NAV3: variants seen among roughly 807,000 people sequenced by gnomAD.
NAV3 encodes neuron navigator 3.
NAV3 carries 87 observed loss-of-function variants against 244.7 expected under a neutral mutation model. The ratio of observed to expected loss-of-function variants is 0.36; its 90% CI spans 0.30 to 0.42. NAV3 has a LOEUF of 0.42. NAV3 is among the 20% of genes least tolerant of loss of function. The pLI is 1.00. For missense variants in NAV3, 2,663 were observed against 2,893.3 expected (o/e 0.92, Z 1.83); for synonymous variants, 1,126 against 1,042.2 (o/e 1.08, Z -1.55).
intron 12 of NAV3, chr12:78,088,875 C>G (rs1048146155): frequency 2.0e-5 from 3 of 152,160 alleles, no homozygotes; most frequent in African/African-American, 7.2e-5. Context: ...CAAGAAAACA[C>G]TGACACATGT....
chr12:78,197,396 C>T lies in NAV3; in HGVS notation c.6441C>T (p.Asn2147=). 6.3e-7 allele frequency: 1 copy of T among 1,591,036 alleles called. No homozygotes were observed. The highest frequency in any genetic ancestry group is 2.3e-5 in the East Asian group (1 of 44,222). The part of the protein sequence containing the change: ...IFNGFLNCKY[N]KCPYIIGTMN... Reference sequence around the variant, plus strand: ...ATGGTTTTCTCAATTGTAAATACAACAAATGGTATGCTTATCAAATATTCT... The same window carrying T: ...ATGGTTTTCTCAATTGTAAATACAATAAATGGTATGCTTATCAAATATTCT... The change falls in exon 35 of 40, where the codon AAC becomes AAT. Residue 2147 remains asparagine (N), a synonymous_variant. Coordinates refer to ENST00000397909, the MANE Select transcript of NAV3 (RefSeq NM_001024383.2).
Position 78,210,592 on chromosome 12 carries a change from A to AC in NAV3, c.*76dup. The AC allele has an allele frequency of 1.3e-6, 2 of 1,544,020 alleles. No homozygotes were observed. Among genetic ancestry groups the AC allele is most frequent in the Non-Finnish European group, 1.8e-6 (2 of 1,141,684 alleles). ...AAAAGAAAGGTATTTTCACTAAACC[A>AC]CTGCCAGTATAAAAGCACCCTGTCA... is the stretch of plus-strand genomic sequence containing the variant. On this transcript the variant is annotated 3_prime_UTR_variant, in exon 40 of 40. Transcript: ENST00000397909.
intron 11 of NAV3, 107 bp downstream of exon 11, chr12:78,051,254 C>T: frequency 3.2e-6 from 4 of 1,266,592 alleles, no homozygotes; most frequent in Non-Finnish European, 4.4e-6. Flanking sequence ...GTCATGAGAA[C>T]ATATGAGATA....
At chr12:78,034,726 C>T (rs898218647) in intron 9 of NAV3, among the ~76,000 whole-genome samples, 1 of 152,050 alleles carries the variant, frequency 6.6e-6, no homozygotes, top group African/African-American at 2.4e-5. Flanking sequence ...TCACTATGGT[C>T]TCAGGACTTG....
rs760972450 is a variant in NAV3, at chr12:78,122,195, G to T, written c.4005G>T (p.Ser1335=). ...ACTCGTTGGCCTCCAGCCCAGCATC[G>T]GTTCACTCTTTCACATCAGGTGGTC... ...LSHSLASSPA[S]VHSFTSGGLV... is the part of the protein sequence containing the mutation. The change falls in exon 16 of 40, where the codon TCG becomes TCT. Residue 1335 remains serine, a synonymous_variant. Transcript: ENST00000397909. The T allele has an allele frequency of 6.8e-6, 11 of 1,613,988 alleles. No individual in the cohort carries two copies. The South Asian group carries it at 9.9e-5, about 15-fold the overall frequency.
chr12:77,616,749 C>T (rs1455006220), intron 2 of NAV3, among the ~76,000 whole-genome samples: 2 of 152,044 alleles, frequency 1.3e-5, no homozygotes, highest in African/African-American at 2.4e-5. Flanking sequence ...CACACACACA[C>T]ACACGATTAT....
intron 9 of NAV3, among the ~76,000 whole-genome samples, chr12:78,040,170 A>T (rs1480230495): frequency 6.6e-6 from 1 of 152,148 alleles, no homozygotes; most frequent in Non-Finnish European, 1.5e-5. Flanking sequence ...AAGTACATTT[A>T]GTTTTATCTT....
chr12:77,873,744 G>GTGTGTGTA lies in NAV3; in HGVS notation c.243+42041_243+42042insGTGTGTAT, dbSNP rs776225440. 3.8e-4 allele frequency among the ~76,000 whole-genome samples: 28 copies of GTGTGTGTA among 73,188 alleles called. 1 individual carries two copies. Among genetic ancestry groups the GTGTGTGTA allele is most frequent in the Non-Finnish European group, 7.2e-4 (25 of 34,520 alleles). 48.0% of individuals were successfully genotyped at this position (73,188 alleles called of 152,430 possible). A position where few individuals can be genotyped will look rare whatever the true frequency, so the allele number is the denominator to read the frequency against. On this transcript the variant is annotated intron_variant, in intron 1 of 39. Coordinates refer to ENST00000397909, the MANE Select transcript of NAV3 (RefSeq NM_001024383.2). ...CTTATCTAAATACATATGTGTGTGTGTATATATATATATATATATATATGT... is the reference window on the plus strand; with the variant it reads ...CTTATCTAAATACATATGTGTGTGTGTGTGTGTATATATATATATATATATATATATGT...
chr12:77,952,333 G>A (rs1051259816), intron 3 of NAV3, among the ~76,000 whole-genome samples: 1 of 151,896 alleles, frequency 6.6e-6, no homozygotes, highest in Non-Finnish European at 1.5e-5. Context: ...AGCTCGTCTC[G>A]CACTATTTGT....
chr12:77,647,659 A>T (rs553576689), intron 2 of NAV3, among the ~76,000 whole-genome samples: 1 of 152,094 alleles, frequency 6.6e-6, no homozygotes, highest in Non-Finnish European at 1.5e-5. Flanking sequence ...AAATAAAGTG[A>T]TTTATTAACA....
At chr12:78,140,790 G>C (rs1201072360) in intron 20 of NAV3, among the ~76,000 whole-genome samples, 1 of 149,712 alleles carries the variant, frequency 6.7e-6, no homozygotes, top group Non-Finnish European at 1.5e-5. Context: ...AAGCAGTAAG[G>C]GTAAAGGGTA....
chr12:78,119,446 G>A lies in NAV3; in HGVS notation c.3250G>A (p.Ala1084Thr), dbSNP rs2138611141. Residue 1084 changes from alanine to threonine, a missense_variant, in exon 15 of 40, where the codon GCA (alanine) becomes ACA (threonine). Physicochemically the swap from Ala to Thr is moderately conservative, Grantham distance 58 (BLOSUM62 0). Coordinates refer to ENST00000397909, the MANE Select transcript of NAV3 (RefSeq NM_001024383.2). ...ATCTGCCATGATCACCAGCAGTGGA[G>A]CAACCATAACAAGTGGCTCTGCAAC... is the stretch of plus-strand genomic sequence containing the variant. ...GSSAMITSSG[A>T]TITSGSATLG... 1.2e-6 allele frequency: 2 copies of A among 1,614,204 alleles called. No individual in the cohort carries two copies. Among genetic ancestry groups the A allele is most frequent in the Non-Finnish European group, 1.7e-6 (2 of 1,180,028 alleles).
At chr12:77,613,634 A>G (rs1871020730) in intron 2 of NAV3, among the ~76,000 whole-genome samples, 1 of 152,088 alleles carries the variant, frequency 6.6e-6, no homozygotes. Flanking sequence ...TCCTGCCCGT[A>G]AGTTAGAAAA....
intron 2 of NAV3, among the ~76,000 whole-genome samples, chr12:77,813,517 T>C (rs2136007648): frequency 6.6e-6 from 1 of 152,300 alleles, no homozygotes; most frequent in South Asian, 2.1e-4. Flanking sequence ...ATCATTGATT[T>C]AACTTATCCT....
intron 12 of NAV3, among the ~76,000 whole-genome samples, chr12:78,093,263 A>G (rs1428236659): frequency 6.6e-6 from 1 of 152,228 alleles, no homozygotes; most frequent in Non-Finnish European, 1.5e-5. Flanking sequence ...TAAATGGGCT[A>G]AAATTAAGAA....
At chr12:77,655,916 T>C (rs1266684396) in intron 2 of NAV3, among the ~76,000 whole-genome samples, 2 of 144,486 alleles carry the variant, frequency 1.4e-5, no homozygotes, top group African/African-American at 2.8e-5. Context: ...CTGAGAGATT[T>C]TGTCACCACC....
At chr12:78,188,199 A>T in intron 31 of NAV3, 49 bp from the exon 32 acceptor site, 3 of 1,364,412 alleles carry the variant, frequency 2.2e-6, no homozygotes, top group Non-Finnish European at 3.1e-6. Flanking sequence ...GTAGTAATAA[A>T]AAAGATACAC....
At chr12:77,920,932 T>C (rs1887653238) in intron 1 of NAV3, among the ~76,000 whole-genome samples, 1 of 152,108 alleles carries the variant, frequency 6.6e-6, no homozygotes. Flanking sequence ...CATATCCTTG[T>C]CACAAAAGGG....
At chr12:77,735,246 C>T (rs996215216) in intron 2 of NAV3, among the ~76,000 whole-genome samples, 3 of 152,062 alleles carry the variant, frequency 2.0e-5, no homozygotes, top group African/African-American at 7.2e-5. Flanking sequence ...GTCCACTGAT[C>T]ATTTATTTAT....
Sources: gnomAD v4.1 joint callset for allele counts (sites outside exome capture counted in the v4.1 genomes callset) on GRCh38, gnomAD v4.1.1 for gene constraint, MANE v1.5 for transcripts, NCBI Gene and HGNC (gene_info 2026-07-23, HGNC 2026-07-21) for gene names.